Variants in ITCH observed in about 807,000 individuals in gnomAD.
ITCH encodes the protein itchy E3 ubiquitin protein ligase.
Under a neutral mutation model 126.8 loss-of-function variants are expected in ITCH, and 28 were observed. The ratio of observed to expected loss-of-function variants is 0.22; its 90% CI spans 0.16 to 0.30. The LOEUF (loss-of-function observed/expected upper bound fraction) is 0.30, where lower values mean the gene tolerates loss of function less well. Ranked by LOEUF, ITCH falls within the 10% of genes least tolerant of loss-of-function variation. ITCH has a pLI of 1.00. For synonymous variants in ITCH, 342 were observed against 340.0 expected, an observed-to-expected ratio of 1.01 and a Z score of -0.06; for missense variants, 631 against 1,032.4, an observed-to-expected ratio of 0.61 and a Z score of 5.33.
intron 16 of ITCH, chr20:34,476,442 G>A (rs1050953175): frequency 2.8e-5 from 34 of 1,220,886 alleles, no homozygotes; most frequent in East Asian, 1.3e-4. Flanking sequence ...CAGAAGCGGC[G>A]CGCAGCAGCC....
chr20:34,385,569 G>C lies in ITCH; in HGVS notation c.-21-8222G>C, dbSNP rs528412604. ...TTAATTTTGAAATGTTTGTCAGAAAGCTGTTTGTCAGAAAGGGGAAGAGAT... is the reference window on the plus strand; with the variant it reads ...TTAATTTTGAAATGTTTGTCAGAAACCTGTTTGTCAGAAAGGGGAAGAGAT... On this transcript the variant is annotated intron_variant, in intron 2 of 24. Transcript: ENST00000374864. 2.1e-3 allele frequency among the ~76,000 whole-genome samples: 327 copies of C among 152,234 alleles called. 4 individuals are homozygous for C. The highest frequency in any genetic ancestry group is 2.4e-3 in the Non-Finnish European group (165 of 68,004).
intron 7 of ITCH, among the ~76,000 whole-genome samples, chr20:34,432,912 A>C (rs972866400): frequency 6.6e-6 from 1 of 151,934 alleles, no homozygotes; most frequent in African/African-American, 2.4e-5. Context: ...AGCTGAAATC[A>C]TGCCACTGCG....
chr20:34,486,301 T>G (rs1989109338), intron 20 of ITCH, among the ~76,000 whole-genome samples: 1 of 151,764 alleles, frequency 6.6e-6, no homozygotes, highest in Admixed American at 6.6e-5. Context: ...ATTATAGGCA[T>G]GAGCCGCCGC....
chr20:34,372,384 C>CTTTTTT lies in ITCH; in HGVS notation c.-22+2923_-22+2928dup, dbSNP rs779017298. On this transcript the variant is annotated intron_variant, in intron 2 of 24. Coordinates refer to ENST00000374864, the MANE Select transcript of ITCH (RefSeq NM_031483.7). ...AGAAACCATGTTATTTTAAGTTCTA[C>CTTTTTT]TTTTTTTTTTTTTTGAGAGGGAATC... Among the ~76,000 whole-genome samples, 73 of 93,152 alleles carry CTTTTTT rather than the reference C, an allele frequency of 7.8e-4. 9 individuals carry two copies. Among genetic ancestry groups the CTTTTTT allele is most frequent in the African/African-American group, 3.2e-3 (68 of 21,518 alleles). 61.1% of individuals were successfully genotyped at this position (93,152 alleles called of 152,430 possible). A position where few individuals can be genotyped will look rare whatever the true frequency, so the allele number is the denominator to read the frequency against.
At chr20:34,373,881 A>T (rs1282826554) in intron 2 of ITCH, among the ~76,000 whole-genome samples, 2 of 145,942 alleles carry the variant, frequency 1.4e-5, no homozygotes, top group East Asian at 2.0e-4. Flanking sequence ...ACAAGAGAAC[A>T]TTTTTTTTTT....
chr20:34,415,796 C>T (rs1185853131), intron 6 of ITCH, among the ~76,000 whole-genome samples: 1 of 152,106 alleles, frequency 6.6e-6, no homozygotes. Context: ...TCCTAAGCTT[C>T]GCCCATAGAA....
chr20:34,475,212 G>C (rs1233754289), intron 16 of ITCH, among the ~76,000 whole-genome samples: 2 of 151,572 alleles, frequency 1.3e-5, no homozygotes, highest in Non-Finnish European at 2.9e-5. Flanking sequence ...CCCAGACGAT[G>C]GGCGGCCAGG....
intron 2 of ITCH, among the ~76,000 whole-genome samples, chr20:34,391,974 C>T (rs1601789521): frequency 6.6e-6 from 1 of 152,058 alleles, no homozygotes; most frequent in African/African-American, 2.4e-5. Context: ...TGGAGATGAG[C>T]GACTGTTGAT....
intron 6 of ITCH, among the ~76,000 whole-genome samples, chr20:34,421,898 C>T (rs139752550): frequency 6.6e-6 from 1 of 152,204 alleles, no homozygotes; most frequent in African/African-American, 2.4e-5. Flanking sequence ...ATCCATGCAT[C>T]CTCCCACTTT....
At chr20:34,392,477 G>A (rs375932518) in intron 2 of ITCH, among the ~76,000 whole-genome samples, 14 of 152,146 alleles carry the variant, frequency 9.2e-5, no homozygotes, top group African/African-American at 2.9e-4. Flanking sequence ...GGATTTTATA[G>A]GGTTCATCTC....
intron 6 of ITCH, among the ~76,000 whole-genome samples, chr20:34,414,919 T>TA (rs370002377): frequency 2.0e-5 from 3 of 152,354 alleles, no homozygotes; most frequent in East Asian, 3.9e-4. Context: ...TAGTAAATCT[T>TA]ACAATCTCTG....
rs1209774332 is a variant in ITCH at position 34,509,517 on chromosome 20, G to A, written c.*1723G>A. 6.6e-6 allele frequency: 1 copy of A among 152,642 alleles called. No homozygotes were observed. The highest frequency in any genetic ancestry group is 1.9e-4 in the East Asian group (1 of 5,200). 9.5% of individuals were successfully genotyped at this position (152,642 alleles called of 1,614,324 possible). A position where few individuals can be genotyped will look rare whatever the true frequency, so the allele number is the denominator to read the frequency against. On this transcript the variant is annotated 3_prime_UTR_variant, in exon 25 of 25. Transcript: ENST00000374864. ...TTAAACTTGTCTACTGTAAGATACT[G>A]CCATCATAAAGCAGAGACTTACATG...
intron 7 of ITCH, among the ~76,000 whole-genome samples, chr20:34,426,894 C>G (rs1052861139): frequency 6.6e-6 from 1 of 152,048 alleles, no homozygotes; most frequent in Non-Finnish European, 1.5e-5. Context: ...CCTGGCTCAG[C>G]CTCCCGAGTA....
intron 6 of ITCH, among the ~76,000 whole-genome samples, chr20:34,420,263 A>G (rs1980581084): frequency 6.6e-6 from 1 of 152,188 alleles, no homozygotes; most frequent in African/African-American, 2.4e-5. Context: ...CCAAGCCGTG[A>G]TAACTGCTAA....
intron 2 of ITCH, among the ~76,000 whole-genome samples, chr20:34,372,781 A>G (rs1053773257): frequency 1.3e-5 from 2 of 152,132 alleles, no homozygotes; most frequent in African/African-American, 2.4e-5. Flanking sequence ...TTGAGCTGCT[A>G]TTGTGCTAGG....
At chr20:34,402,223 T>G in intron 3 of ITCH, 1 of 1,424,314 alleles carries the variant, frequency 7.0e-7, no homozygotes, top group Non-Finnish European at 9.9e-7. Flanking sequence ...TCAAATACAT[T>G]CTTTAGGCCT....
intron 19 of ITCH, 77 bp from the exon 20 acceptor site, chr20:34,480,989 T>C: frequency 7.2e-7 from 1 of 1,389,426 alleles, no homozygotes; most frequent in Non-Finnish European, 1.0e-6. Flanking sequence ...TTTAAGAACA[T>C]GGGCCTTTCG....
At chr20:34,446,796 T>TA (rs1300332346) in intron 11 of ITCH, among the ~76,000 whole-genome samples, 1 of 152,244 alleles carries the variant, frequency 6.6e-6, no homozygotes, top group African/African-American at 2.4e-5. Context: ...GCTTTGGAGT[T>TA]AGACACATCT....
intron 2 of ITCH, among the ~76,000 whole-genome samples, chr20:34,392,752 C>T (rs1188092133): frequency 1.3e-5 from 2 of 151,926 alleles, no homozygotes; most frequent in Non-Finnish European, 2.9e-5. Flanking sequence ...TCCTCTGTTG[C>T]CCAGGCTGGA....
Sources: gnomAD v4.1 joint callset for allele counts (sites outside exome capture counted in the v4.1 genomes callset) on GRCh38, gnomAD v4.1.1 for gene constraint, MANE v1.5 for transcripts, NCBI Gene and HGNC (gene_info 2026-07-23, HGNC 2026-07-21) for gene names.